The following PRSS23 variants were observed in gnomAD, a reference collection of about 807,000 sequenced individuals.
The protein encoded by PRSS23 is protease, serine 23.
A neutral mutation model predicts 34.7 loss-of-function variants in PRSS23; 25 were observed. The observed-to-expected ratio is 0.72, with a 90% CI of 0.53 to 1.01. PRSS23 has a LOEUF of 1.01. Ranked by LOEUF, PRSS23 falls within the 50% of genes least tolerant of loss-of-function variation. The pLI, the probability that PRSS23 is intolerant of heterozygous loss-of-function variation, is 0.00. For synonymous variants in PRSS23, 176 were observed against 186.6 expected (o/e 0.94, Z 0.46); for missense variants, 445 against 475.6 (o/e 0.94, Z 0.60).
intron 2 of PRSS23, among the ~76,000 whole-genome samples, chr11:86,844,914 A>G (rs184574259): frequency 2.6e-5 from 4 of 152,210 alleles, no homozygotes; most frequent in Non-Finnish European, 5.9e-5. Flanking sequence ...ACATGGAGAA[A>G]CCCCATCTCT....
chr11:86,904,653 GA>G (rs963966302), intron 2 of PRSS23, among the ~76,000 whole-genome samples: 2 of 152,144 alleles, frequency 1.3e-5, no homozygotes, highest in African/African-American at 4.8e-5. Flanking sequence ...CTGTAGGCCG[GA>G]TAGCCTCTGT....
chr11:86,834,599 T>A (rs1271324908), intron 2 of PRSS23, among the ~76,000 whole-genome samples: 1 of 148,728 alleles, frequency 6.7e-6, no homozygotes, highest in African/African-American at 2.5e-5. Flanking sequence ...TTTCCTTTCC[T>A]TTCCTTTCCT....
rs145972706 is a variant in PRSS23 at position 86,806,639 on chromosome 11, T to A, written c.-13-992T>A. On this transcript the variant is annotated intron_variant, in intron 1 of 1. Transcript: ENST00000280258. ...CCTAGAAGGCCTCTCTTGTTCTTAC[T>A]CCCACAATTGGCCTCAAGCTGTTTC... Among the ~76,000 whole-genome samples, 535 of 152,318 alleles carry A rather than the reference T, an allele frequency of 3.5e-3. 6 individuals carry two copies. Among genetic ancestry groups the A allele is most frequent in the South Asian group, 0.014 (68 of 4,826 alleles).
rs376394351 is a variant in PRSS23 at position 86,808,123 on chromosome 11, C to T, written c.480C>T (p.Cys160=). 6.2e-7 allele frequency: 1 copy of T among 1,614,222 alleles called. No homozygotes were observed. The highest frequency in any genetic ancestry group is 1.3e-5 in the African/African-American group (1 of 75,068). The change falls in exon 2 of 2, where the codon TGC becomes TGT. Residue 160 remains cysteine (C), a synonymous_variant. Coordinates refer to ENST00000280258, the MANE Select transcript of PRSS23 (RefSeq NM_007173.6). ...FSTSVKLSTG[C]TGTLVAEKHV... The stretch of plus-strand genomic sequence containing the variant: ...CATCAGTGAAGTTATCCACGGGCTG[C>T]ACCGGCACCCTGGTGGCAGAGAAGC...
chr11:86,884,071 T>C (rs1224798368), intron 2 of PRSS23, among the ~76,000 whole-genome samples: 1 of 152,198 alleles, frequency 6.6e-6, no homozygotes, highest in Admixed American at 6.5e-5. Context: ...TAATTCTCTC[T>C]TATGGCTATA....
Position 86,948,767 on chromosome 11 carries a change from C to T in PRSS23, c.207-2449C>T, listed in dbSNP as rs937663484. 3 of 152,386 alleles carry T rather than the reference C, an allele frequency of 2.0e-5. No individual in the cohort carries two copies. The South Asian group carries it at 6.2e-4, about 32-fold the overall frequency. 9.4% of individuals were successfully genotyped at this position (152,386 alleles called of 1,614,324 possible). A position where few individuals can be genotyped will look rare whatever the true frequency, so the allele number is the denominator to read the frequency against. ...GATCACCTACTCCATGCCTGGCTTT[C>T]TGCTAGATGCTGCCTTGGTCACACA... is the stretch of plus-strand genomic sequence containing the variant. On this transcript the variant is annotated intron_variant, in intron 2 of 2. Coordinates refer to the PRSS23 transcript ENST00000533902.
intron 2 of PRSS23, among the ~76,000 whole-genome samples, chr11:86,828,209 T>G (rs1590881919): frequency 2.6e-5 from 4 of 152,334 alleles, no homozygotes; most frequent in Middle Eastern, 3.4e-3. Flanking sequence ...TTAGGATAGT[T>G]AGCTCTTCTT....
chr11:86,893,668 C>T (rs1414886135), intron 2 of PRSS23, among the ~76,000 whole-genome samples: 2 of 152,170 alleles, frequency 1.3e-5, no homozygotes, highest in Admixed American at 1.3e-4. Context: ...TAGATATATA[C>T]ATGCATTGTA....
chr11:86,812,304 CCTT>C (rs548824726), downstream of PRSS23, among the ~76,000 whole-genome samples: 32 of 152,312 alleles, frequency 2.1e-4, no homozygotes, highest in African/African-American at 6.5e-4. Context: ...TCCTGTGATA[CCTT>C]CTTTGCCTGG....
intron 2 of PRSS23, among the ~76,000 whole-genome samples, chr11:86,858,344 A>G (rs1052758208): frequency 2.0e-5 from 3 of 152,018 alleles, no homozygotes; most frequent in African/African-American, 7.3e-5. Flanking sequence ...CAAGGGGTTT[A>G]CATCACTCCT....
chr11:86,909,022 T>C (rs1399825513), intron 2 of PRSS23: 1 of 151,694 alleles, frequency 6.6e-6, no homozygotes, highest in Non-Finnish European at 1.5e-5. Flanking sequence ...CTTAATTTGG[T>C]CTTCAAGCCA....
chr11:86,880,046 C>G (rs1047449617), intron 2 of PRSS23, among the ~76,000 whole-genome samples: 2 of 151,920 alleles, frequency 1.3e-5, no homozygotes, highest in Non-Finnish European at 2.9e-5. Context: ...GGATGGTTGC[C>G]GTGTCTGTGT....
intron 1 of PRSS23, among the ~76,000 whole-genome samples, chr11:86,818,398 G>T (rs2135612700): frequency 6.6e-6 from 1 of 152,104 alleles, no homozygotes; most frequent in East Asian, 1.9e-4. Context: ...ACACACTATT[G>T]TTTCAACCAT....
In PRSS23 at chr11:86,808,162, T is replaced by C; in HGVS notation, c.519T>C (p.Ala173=). 6.2e-7 allele frequency: 1 copy of C among 1,614,190 alleles called. No homozygotes were observed. Among genetic ancestry groups the C allele is most frequent in the Non-Finnish European group, 8.5e-7 (1 of 1,180,034 alleles). The change falls in exon 2 of 2, where the codon GCT becomes GCC. Residue 173 remains alanine (A), a synonymous_variant. Coordinates refer to ENST00000280258, the MANE Select transcript of PRSS23 (RefSeq NM_007173.6). ...TGGCAGAGAAGCATGTCCTCACAGC[T>C]GCCCACTGCATACACGATGGAAAAA... ...TLVAEKHVLT[A]AHCIHDGKTY... is the part of the protein sequence containing the mutation.
intron 2 of PRSS23, chr11:86,896,526 G>A (rs888598962): frequency 2.0e-5 from 3 of 152,196 alleles, no homozygotes; most frequent in African/African-American, 4.8e-5. Flanking sequence ...AGCCAGGAAG[G>A]TTAAGGTTTA....
chr11:86,925,056 T>A (rs1320035760), intron 2 of PRSS23: 13 of 152,202 alleles, frequency 8.5e-5, no homozygotes, highest in Admixed American at 8.5e-4. Flanking sequence ...CTTGGCCCTG[T>A]GGGGGTGAGC....
At chr11:86,887,233 T>C (rs1230081185) in intron 2 of PRSS23, among the ~76,000 whole-genome samples, 1 of 152,150 alleles carries the variant, frequency 6.6e-6, no homozygotes, top group Non-Finnish European at 1.5e-5. Flanking sequence ...TTTTCCCAAA[T>C]GCAATATCTG....
chr11:86,847,568 G>C (rs532634378), intron 2 of PRSS23, among the ~76,000 whole-genome samples: 1 of 152,208 alleles, frequency 6.6e-6, no homozygotes, highest in East Asian at 1.9e-4. Context: ...GGACTAACCA[G>C]GGGTGTGGGC....
chr11:86,879,480 C>T (rs1197179248), intron 2 of PRSS23, among the ~76,000 whole-genome samples: 4 of 128,454 alleles, frequency 3.1e-5, no homozygotes, highest in Non-Finnish European at 5.2e-5. Context: ...GGCCAGCCGC[C>T]CCGTCCGGGA....
Sources: allele counts gnomAD v4.1 joint callset (sites outside exome capture counted in the v4.1 genomes callset), GRCh38; gene constraint gnomAD v4.1.1; transcripts MANE v1.5; gene names NCBI Gene and HGNC (gene_info 2026-07-23, HGNC 2026-07-21).